Variants in FRMD4A observed in about 807,000 individuals in gnomAD.
FRMD4A encodes FERM domain-containing protein 4A.
Under a neutral mutation model 129.1 loss-of-function variants are expected in FRMD4A, and 29 were observed. That is an observed-to-expected ratio of 0.22 (90% CI 0.17 to 0.31). The LOEUF (loss-of-function observed/expected upper bound fraction) is 0.31. Ranked by LOEUF, FRMD4A falls within the 10% of genes least tolerant of loss-of-function variation. The pLI, the probability that FRMD4A is intolerant of heterozygous loss-of-function variation, is 1.00. For missense variants in FRMD4A, 1,272 were observed against 1,375.8 expected (o/e 0.92, Z 1.19); for synonymous variants, 634 against 571.6 (o/e 1.11, Z -1.56).
chr10:14,018,597 A>G (rs1039150012), intron 2 of FRMD4A, among the ~76,000 whole-genome samples: 5 of 152,174 alleles, frequency 3.3e-5, no homozygotes, highest in Admixed American at 2.6e-4. Flanking sequence ...ACACCATCCA[A>G]TCTGAGTTTT....
chr10:13,672,956 A>G lies in FRMD4A; in HGVS notation c.1251+1955T>C, dbSNP rs570047249. Among the ~76,000 whole-genome samples the G allele has an allele frequency of 7.9e-5, 12 of 152,332 alleles. No homozygotes were observed. The East Asian group carries it at 2.1e-3, about 27-fold the overall frequency. On this transcript the variant is annotated intron_variant, in intron 16 of 24. Coordinates refer to ENST00000357447, the MANE Select transcript of FRMD4A (RefSeq NM_018027.5). ...TCAAGTTACATTTTCTGGTGTTAAC[A>G]TTATAAGAAGTGGCAGCTTTGTTTT... is the stretch of plus-strand genomic sequence containing the variant.
chr10:13,946,281 A>G (rs2095330801), intron 2 of FRMD4A, among the ~76,000 whole-genome samples: 1 of 152,196 alleles, frequency 6.6e-6, no homozygotes, highest in South Asian at 2.1e-4. Context: ...TGATGCCCTG[A>G]GGGCTAAGGC....
rs145391593 is a variant in FRMD4A, at chr10:13,821,969, C to T, written c.112-11061G>A. Among the ~76,000 whole-genome samples the T allele has an allele frequency of 7.5e-3, 1,141 of 151,840 alleles. 11 individuals carry two copies. The highest frequency in any genetic ancestry group is 0.026 in the African/African-American group (1,079 of 41,380). ...TACACTTAGGGGACAGAGCAGGTCTCGAAGATCCGAAGCAGGAAGGAAAGA... is the reference window on the plus strand; with the variant it reads ...TACACTTAGGGGACAGAGCAGGTCTTGAAGATCCGAAGCAGGAAGGAAAGA... On this transcript the variant is annotated intron_variant, in intron 3 of 24. Coordinates refer to ENST00000357447, the MANE Select transcript of FRMD4A (RefSeq NM_018027.5). This position sits in a 1 kb window ranked among gnomAD's most constrained non-coding sequence, Gnocchi z 4.3.
chr10:13,945,734 G>C (rs1259951175), intron 2 of FRMD4A, among the ~76,000 whole-genome samples: 1 of 152,152 alleles, frequency 6.6e-6, no homozygotes, highest in Non-Finnish European at 1.5e-5. Context: ...CTTGATTATA[G>C]AGCCAGGGTC....
At chr10:13,802,031 G>A (rs1588804372) in intron 4 of FRMD4A, among the ~76,000 whole-genome samples, 1 of 132,840 alleles carries the variant, frequency 7.5e-6, no homozygotes, top group South Asian at 2.5e-4. Flanking sequence ...AAGCATCCCA[G>A]CAGCCACTCA....
At chr10:13,721,430 C>A in intron 12 of FRMD4A, among the ~76,000 whole-genome samples, 1 of 151,974 alleles carries the variant, frequency 6.6e-6, no homozygotes, top group Non-Finnish European at 1.5e-5. Flanking sequence ...TGCAGTGAGC[C>A]GAGATTGCGC....
chr10:14,285,772 C>T (rs1845661868), intron 2 of FRMD4A, among the ~76,000 whole-genome samples: 1 of 152,160 alleles, frequency 6.6e-6, no homozygotes, highest in Non-Finnish European at 1.5e-5. Flanking sequence ...TCACTTTTTC[C>T]ACTGAAGTAA....
intron 2 of FRMD4A, among the ~76,000 whole-genome samples, chr10:14,216,189 A>G (rs1456029757): frequency 6.6e-6 from 1 of 152,156 alleles, no homozygotes; most frequent in Non-Finnish European, 1.5e-5. Context: ...AATAAATGTG[A>G]CTCACCCCAT....
At chr10:14,100,523 T>C (rs940866123) in intron 2 of FRMD4A, among the ~76,000 whole-genome samples, 1 of 152,032 alleles carries the variant, frequency 6.6e-6, no homozygotes, top group Non-Finnish European at 1.5e-5. Context: ...CCCTTAAAAG[T>C]CTGAATAAAT....
chr10:13,657,788 GTTTTT>G, intron 21 of FRMD4A, among the ~76,000 whole-genome samples: 1 of 143,334 alleles, frequency 7.0e-6, no homozygotes, highest in Non-Finnish European at 1.5e-5. Context: ...CGATTTCTGG[GTTTTT>G]TTTTTTTTTT....
intron 2 of FRMD4A, among the ~76,000 whole-genome samples, chr10:14,283,378 G>A (rs1845584342): frequency 6.6e-6 from 1 of 152,140 alleles, no homozygotes. Flanking sequence ...ACAGCAAAAT[G>A]TAAAAGAAAC....
chr10:13,886,110 T>A (rs995295948), intron 2 of FRMD4A, among the ~76,000 whole-genome samples: 5 of 152,174 alleles, frequency 3.3e-5, no homozygotes, highest in Non-Finnish European at 1.5e-5. Context: ...CCCAGGCATG[T>A]GGCGAGAGCG....
chr10:14,168,020 G>A (rs919798294), intron 2 of FRMD4A, among the ~76,000 whole-genome samples: 9 of 152,182 alleles, frequency 5.9e-5, no homozygotes, highest in African/African-American at 2.2e-4. Flanking sequence ...TTCTGGAAGA[G>A]AGGACCAAGA....
intron 15 of FRMD4A, chr10:13,685,693 A>T: frequency 1.0e-6 from 1 of 962,182 alleles, no homozygotes; most frequent in Non-Finnish European, 1.2e-6. Flanking sequence ...TCACAGTCCT[A>T]CCCAGTCAGG....
At chr10:14,070,694 C>A (rs1015478276) in intron 2 of FRMD4A, among the ~76,000 whole-genome samples, 2 of 152,122 alleles carry the variant, frequency 1.3e-5, no homozygotes, top group African/African-American at 4.8e-5. Flanking sequence ...GTTATAACCA[C>A]AATAGATGTT....
At chr10:13,884,239 C>T (rs1010934655) in intron 2 of FRMD4A, among the ~76,000 whole-genome samples, 1 of 149,234 alleles carries the variant, frequency 6.7e-6, no homozygotes, top group Non-Finnish European at 1.5e-5. Context: ...CACACACACA[C>T]ACTCCCTAAA....
At chr10:14,108,336 C>A (rs565570187) in intron 2 of FRMD4A, among the ~76,000 whole-genome samples, 1 of 152,318 alleles carries the variant, frequency 6.6e-6, no homozygotes, top group East Asian at 1.9e-4. Flanking sequence ...TTTGAGCAGA[C>A]TATTCAGCAG....
intron 2 of FRMD4A, among the ~76,000 whole-genome samples, chr10:13,950,208 C>G (rs556915995): frequency 6.6e-6 from 1 of 152,204 alleles, no homozygotes; most frequent in Non-Finnish European, 1.5e-5. Flanking sequence ...GCTAAATTCC[C>G]AGGCAGGCGG....
intron 2 of FRMD4A, among the ~76,000 whole-genome samples, chr10:14,031,334 C>G (rs1268144800): frequency 6.6e-6 from 1 of 150,934 alleles, no homozygotes; most frequent in East Asian, 1.9e-4. Flanking sequence ...ATGGCACAAT[C>G]TCGGCTCACT....
Sources: allele counts gnomAD v4.1 joint callset (sites outside exome capture counted in the v4.1 genomes callset), GRCh38; gene constraint gnomAD v4.1.1; non-coding constraint Gnocchi (gnomAD v3.1); transcripts MANE v1.5; gene names NCBI Gene and HGNC (gene_info 2026-07-23, HGNC 2026-07-21).